Variants in ANO2 observed in about 807,000 individuals in gnomAD.
ANO2 encodes anoctamin 2.
A neutral mutation model predicts 124.2 loss-of-function variants in ANO2; 101 were observed. The ratio of observed to expected loss-of-function variants is 0.81; its 90% CI spans 0.69 to 0.96. The LOEUF (loss-of-function observed/expected upper bound fraction) is 0.96, where lower values mean the gene tolerates loss of function less well. ANO2 is among the 40% of genes least tolerant of loss of function. The probability of loss-of-function intolerance (pLI) is 0.00; values close to 1 mark genes in which losing one functional copy is unlikely to be tolerated. For missense variants in ANO2, 1,293 were observed against 1,274.5 expected, an observed-to-expected ratio of 1.01 and a Z score of -0.22; for synonymous variants, 486 against 482.5, an observed-to-expected ratio of 1.01 and a Z score of -0.09.
intron 14 of ANO2, among the ~76,000 whole-genome samples, chr12:5,691,327 C>CAAAAA (rs60573302): frequency 3.8e-4 from 33 of 86,958 alleles, no homozygotes; most frequent in African/African-American, 5.1e-4. Flanking sequence ...GACTCCATCT[C>CAAAAA]AAAAAAAAAA....
intron 14 of ANO2, among the ~76,000 whole-genome samples, chr12:5,664,359 GCATC>G (rs754391598): frequency 6.6e-6 from 1 of 151,164 alleles, no homozygotes; most frequent in South Asian, 2.1e-4. Context: ...ATCCATCCAG[GCATC>G]CATCCATCCA....
chr12:5,646,909 A>T (rs1486404997), intron 15 of ANO2, among the ~76,000 whole-genome samples: 1 of 147,402 alleles, frequency 6.8e-6, no homozygotes, highest in Non-Finnish European at 1.5e-5. Flanking sequence ...ACCTCAGGCC[A>T]GAGTCAGAGT....
At chr12:5,718,875 G>A (rs1048760505) in intron 14 of ANO2, among the ~76,000 whole-genome samples, 3 of 152,130 alleles carry the variant, frequency 2.0e-5, no homozygotes, top group Non-Finnish European at 4.4e-5. Context: ...AATTTCCACC[G>A]TGCAGTTTCC....
At chr12:5,610,702 A>G (rs1326117884) in intron 19 of ANO2, among the ~76,000 whole-genome samples, 1 of 130,112 alleles carries the variant, frequency 7.7e-6, no homozygotes, top group African/African-American at 2.8e-5. Context: ...GGGCAAATAC[A>G]TGTATGTGTA....
At chr12:5,669,115 T>C (rs1286054524) in intron 14 of ANO2, among the ~76,000 whole-genome samples, 2 of 152,258 alleles carry the variant, frequency 1.3e-5, no homozygotes, top group African/African-American at 4.8e-5. Context: ...AGAATAGCAT[T>C]GAGTCTACAA....
At chr12:5,688,003 T>C (rs1012932491) in intron 14 of ANO2, among the ~76,000 whole-genome samples, 1 of 152,238 alleles carries the variant, frequency 6.6e-6, no homozygotes, top group South Asian at 2.1e-4. Context: ...ATTAGCATCA[T>C]GAACATCCTG....
At position 5,592,607 on chromosome 12, in the gene ANO2, T is replaced by C. The variant is rs75666622; in HGVS notation, c.2233+6877A>G. On this transcript the variant is annotated intron_variant, in intron 20 of 24. Transcript: ENST00000682330. The stretch of plus-strand genomic sequence containing the variant: ...CGTTGAAGGATTTTAAGTAGAAAAA[T>C]GAATGCAATCTGGCTTGCATCTTTT... 4.1e-3 allele frequency among the ~76,000 whole-genome samples: 628 copies of C among 152,186 alleles called. 6 individuals are homozygous for C. Among genetic ancestry groups the C allele is most frequent in the African/African-American group, 0.014 (566 of 41,516 alleles).
At chr12:5,618,388 G>A (rs577947049) in intron 16 of ANO2, among the ~76,000 whole-genome samples, 2 of 152,264 alleles carry the variant, frequency 1.3e-5, no homozygotes, top group African/African-American at 4.8e-5. Context: ...CTCTGTGTAT[G>A]ACAGAAGGCA....
chr12:5,813,752 C>A (rs1953509478), intron 7 of ANO2, among the ~76,000 whole-genome samples: 1 of 152,168 alleles, frequency 6.6e-6, no homozygotes, highest in Admixed American at 6.5e-5. Context: ...TTCAGGAAAG[C>A]CAGTTCCCTC....
intron 20 of ANO2, among the ~76,000 whole-genome samples, chr12:5,598,742 C>T (rs1174479485): frequency 6.6e-6 from 1 of 152,164 alleles, no homozygotes; most frequent in Non-Finnish European, 1.5e-5. Flanking sequence ...ACATCCATCC[C>T]AATAGAAGAT....
chr12:5,897,185 C>A (rs1023690746), intron 3 of ANO2, among the ~76,000 whole-genome samples: 9 of 151,910 alleles, frequency 5.9e-5, no homozygotes, highest in Middle Eastern at 3.4e-3. Context: ...AGCAGAAAGA[C>A]CCAGCCAAGA....
chr12:5,683,091 C>T (rs1482735439), intron 14 of ANO2, among the ~76,000 whole-genome samples: 1 of 152,174 alleles, frequency 6.6e-6, no homozygotes, highest in Admixed American at 6.5e-5. Flanking sequence ...ATACTGTGCA[C>T]TCTGTGTACC....
chr12:5,885,778 C>G (rs1938853389), intron 3 of ANO2, among the ~76,000 whole-genome samples: 1 of 152,166 alleles, frequency 6.6e-6, no homozygotes, highest in Admixed American at 6.5e-5. Context: ...AATTAAGATT[C>G]CTGAGCTAGT....
chr12:5,931,109 C>G (rs1049239509), intron 1 of ANO2, among the ~76,000 whole-genome samples: 1 of 152,172 alleles, frequency 6.6e-6, no homozygotes, highest in African/African-American at 2.4e-5. Flanking sequence ...ACAATCTCAC[C>G]AAGTTAGTCC....
chr12:5,836,323 T>A (rs1367825760), intron 4 of ANO2, among the ~76,000 whole-genome samples: 1 of 152,224 alleles, frequency 6.6e-6, no homozygotes, highest in Non-Finnish European at 1.5e-5. Context: ...CTTAAAACTT[T>A]TTAAAAATAC....
chr12:5,827,577 G>A (rs1418565609), intron 7 of ANO2, among the ~76,000 whole-genome samples, 192 bp downstream of exon 7: 2 of 152,230 alleles, frequency 1.3e-5, no homozygotes, highest in African/African-American at 4.8e-5. Context: ...CCTGGGGGCA[G>A]CCCCACTGAG....
At chr12:5,943,711 G>C (rs1363165778) in intron 1 of ANO2, among the ~76,000 whole-genome samples, 3 of 152,178 alleles carry the variant, frequency 2.0e-5, no homozygotes, top group Non-Finnish European at 4.4e-5. Context: ...CCGTGTACTA[G>C]AGACAATAAC....
intron 16 of ANO2, among the ~76,000 whole-genome samples, chr12:5,628,820 A>C (rs1400608238): frequency 1.3e-5 from 2 of 152,236 alleles, no homozygotes; most frequent in East Asian, 3.9e-4. Flanking sequence ...TGCTTCGGTC[A>C]AGTTTCTAAA....
At chr12:5,586,532 A>G (rs561993416) in intron 20 of ANO2, among the ~76,000 whole-genome samples, 1 of 152,348 alleles carries the variant, frequency 6.6e-6, no homozygotes, top group Non-Finnish European at 1.5e-5. Flanking sequence ...CAGGTATTCT[A>G]GAAAATCTGA....
Sources: gnomAD v4.1 joint callset for allele counts (sites outside exome capture counted in the v4.1 genomes callset) on GRCh38, gnomAD v4.1.1 for gene constraint, MANE v1.5 for transcripts, NCBI Gene and HGNC (gene_info 2026-07-23, HGNC 2026-07-21) for gene names.